The following NSL1 variants were observed in gnomAD, a reference collection of about 807,000 sequenced individuals.
The protein encoded by NSL1 is NSL1 component of MIS12 kinetochore complex.
A neutral mutation model predicts 25.4 loss-of-function variants in NSL1; 11 were observed. The observed-to-expected ratio is 0.43, with a 90% CI of 0.27 to 0.72. The LOEUF is 0.72. NSL1 is among the 30% of genes least tolerant of loss of function. NSL1 has a pLI of 0.19. For synonymous variants in NSL1, 118 were observed against 120.6 expected, an observed-to-expected ratio of 0.98 and a Z score of 0.14; for missense variants, 330 against 342.7, an observed-to-expected ratio of 0.96 and a Z score of 0.29.
intron 4 of NSL1, among the ~76,000 whole-genome samples, chr1:212,744,335 G>T (rs1658657851): frequency 6.6e-6 from 1 of 152,130 alleles, no homozygotes; most frequent in Non-Finnish European, 1.5e-5. Flanking sequence ...TTCCAAAAAA[G>T]CTTTAGAAAA....
chr1:212,735,884 T>C lies in NSL1; in HGVS notation c.*2524A>G, dbSNP rs182348752. 2.2e-6 allele frequency: 2 copies of C among 910,242 alleles called. No homozygotes were observed. The highest frequency in any genetic ancestry group is 2.4e-4 in the East Asian group (2 of 8,452). The allele number at this position is 910,242 out of a possible 1,614,324, so 56.4% of individuals were successfully genotyped here. A position where few individuals can be genotyped will look rare whatever the true frequency, so the allele number is the denominator to read the frequency against. ...CTCATGGACTTCTAGCCTCCAGAAC[T>C]GTGAGAAGTAAGTATCTGTTGTTTA... On this transcript the variant is annotated 3_prime_UTR_variant, in exon 6 of 6. Coordinates refer to ENST00000366977, the MANE Select transcript of NSL1 (RefSeq NM_015471.4).
intron 4 of NSL1, among the ~76,000 whole-genome samples, chr1:212,761,333 T>A (rs750427174): frequency 6.6e-6 from 1 of 152,218 alleles, no homozygotes; most frequent in Non-Finnish European, 1.5e-5. Context: ...GTGCATCACC[T>A]GAACCTTGGA....
At chr1:212,756,051 T>C (rs1390914593) in intron 4 of NSL1, among the ~76,000 whole-genome samples, 1 of 152,184 alleles carries the variant, frequency 6.6e-6, no homozygotes. Context: ...CAGGTTAATG[T>C]TGGATATCTA....
intron 4 of NSL1, chr1:212,766,365 T>C (rs1446711863): frequency 2.3e-6 from 1 of 432,816 alleles, no homozygotes; most frequent in Non-Finnish European, 4.1e-6. Flanking sequence ...ATGAAGAAAA[T>C]CCATATTGCA....
At position 212,727,195 on chromosome 1, in the gene NSL1, G is replaced by C; in HGVS notation, c.*11213C>G. The C allele has an allele frequency of 6.5e-7, 1 of 1,532,854 alleles. No individual in the cohort carries two copies. The highest frequency in any genetic ancestry group is 1.2e-5 in the South Asian group (1 of 80,014). The allele number at this position is 1,532,854 out of a possible 1,614,324, so 95.0% of individuals were successfully genotyped here. A position where few individuals can be genotyped will look rare whatever the true frequency, so the allele number is the denominator to read the frequency against. On this transcript the variant is annotated 3_prime_UTR_variant, in exon 6 of 6. Transcript: ENST00000366977. ...GGCTTGGCTCCTAATGTGTTAAATG[G>C]GGGTGAATGGAATTTAGAAGATCTC...
chr1:212,786,425 A>G (rs1469364413), intron 2 of NSL1, among the ~76,000 whole-genome samples: 5 of 152,126 alleles, frequency 3.3e-5, no homozygotes, highest in Non-Finnish European at 5.9e-5. Flanking sequence ...TTAAAAAAAA[A>G]AAAAAGAAAA....
In NSL1 at chr1:212,782,474, A is replaced by G. The variant is rs768129161; in HGVS notation, c.445-48T>C. On this transcript the variant is annotated intron_variant, in intron 3 of 5. Transcript: ENST00000366977. ...CAGATTTAATCACTTAATGCTTCAT[A>G]TAAACATCTCTTTCAGCTAATATGG... 7 of 1,278,736 alleles carry G rather than the reference A, an allele frequency of 5.5e-6. No homozygotes were observed. The African/African-American group carries it at 8.8e-5, about 16-fold the overall frequency. 79.2% of individuals were successfully genotyped at this position (1,278,736 alleles called of 1,614,324 possible).
At chr1:212,742,986 A>G (rs1217498411) in intron 4 of NSL1, among the ~76,000 whole-genome samples, 4 of 152,206 alleles carry the variant, frequency 2.6e-5, no homozygotes, top group African/African-American at 9.6e-5. Context: ...ATTTTCCATC[A>G]GCTTTGCTGC....
At chr1:212,757,822 T>C (rs556993500) in intron 4 of NSL1, among the ~76,000 whole-genome samples, 6 of 152,158 alleles carry the variant, frequency 3.9e-5, no homozygotes, top group Non-Finnish European at 8.8e-5. Context: ...ATCCAAACCA[T>C]ATTAATCAGT....
intron 4 of NSL1, among the ~76,000 whole-genome samples, chr1:212,747,977 G>T (rs1335894409): frequency 5.3e-5 from 8 of 152,144 alleles, no homozygotes; most frequent in Admixed American, 5.2e-4. Context: ...TGTTGGTCAG[G>T]CTGGTCTCGA....
intron 2 of NSL1, among the ~76,000 whole-genome samples, chr1:212,786,919 A>G (rs935549026): frequency 5.3e-5 from 8 of 151,962 alleles, no homozygotes; most frequent in Non-Finnish European, 1.2e-4. Flanking sequence ...AGTGGCTCAC[A>G]TATGTAATAC....
rs1018358794 is a variant in NSL1, at chr1:212,729,225, G to A, written c.*9183C>T. 6 of 985,256 alleles carry A rather than the reference G, an allele frequency of 6.1e-6. No individual in the cohort carries two copies. In the African/African-American group the frequency reaches 1.0e-4, roughly 17 times the overall value. 61.0% of individuals were successfully genotyped at this position (985,256 alleles called of 1,614,324 possible). A position where few individuals can be genotyped will look rare whatever the true frequency, so the allele number is the denominator to read the frequency against. On this transcript the variant is annotated 3_prime_UTR_variant, in exon 6 of 6. Transcript: ENST00000366977. ...AGTTTCACTCTCAGGTTCCCTCTAG[G>A]AGCAGAAGTGCAGGTTTGCTTGGGC...
At chr1:212,773,371 G>A (rs991746930) in intron 4 of NSL1, among the ~76,000 whole-genome samples, 2 of 151,986 alleles carry the variant, frequency 1.3e-5, no homozygotes, top group Non-Finnish European at 2.9e-5. Flanking sequence ...AGAAGGTAAA[G>A]GATCTGAATA....
intron 1 of NSL1, among the ~76,000 whole-genome samples, chr1:212,788,339 G>T (rs6702544): frequency 5.3e-5 from 8 of 152,032 alleles, no homozygotes; most frequent in African/African-American, 1.9e-4. Context: ...CTTGAGCCCA[G>T]TGGTTTGAGA....
intron 4 of NSL1, among the ~76,000 whole-genome samples, chr1:212,762,767 T>C (rs139949924): frequency 6.6e-6 from 1 of 152,030 alleles, no homozygotes; most frequent in African/African-American, 2.4e-5. Flanking sequence ...AATACAAAAG[T>C]AGACGCAGCA....
chr1:212,784,379 G>A lies in NSL1; in HGVS notation c.428C>T (p.Ala143Val). Reference protein sequence around the residue: ...ILECVIKTIKAKQEILKQYHP... With the variant: ...ILECVIKTIKVKQEILKQYHP... ...TCATCTTACCAGAATTTCTTGTTTT[G>A]CTTTTATGGTTTTGATGACACATTC... The change falls in exon 3 of 6, where the codon GCA becomes GTA. Residue 143 changes from alanine (A) to valine (V), a missense_variant. Transcript: ENST00000366977. 6.4e-7 allele frequency: 1 copy of A among 1,573,896 alleles called. No individual in the cohort carries two copies. The highest frequency in any genetic ancestry group is 8.6e-7 in the Non-Finnish European group (1 of 1,156,552).
At chr1:212,785,715 G>C (rs1660913097) in intron 2 of NSL1, among the ~76,000 whole-genome samples, 1 of 152,124 alleles carries the variant, frequency 6.6e-6, no homozygotes, top group South Asian at 2.1e-4. Flanking sequence ...ATTTTAAAGA[G>C]TAAAAATACT....
At chr1:212,759,498 C>T (rs1272376427) in intron 4 of NSL1, among the ~76,000 whole-genome samples, 1 of 152,110 alleles carries the variant, frequency 6.6e-6, no homozygotes, top group Admixed American at 6.5e-5. Flanking sequence ...CACAGGAGAG[C>T]CCCTTGGCCC....
intron 4 of NSL1, among the ~76,000 whole-genome samples, chr1:212,761,628 T>C (rs1309274421): frequency 6.6e-6 from 1 of 151,324 alleles, no homozygotes; most frequent in Non-Finnish European, 1.5e-5. Context: ...TCTGAAAAAA[T>C]AAAATATAAA....
Sources: gnomAD v4.1 joint callset for allele counts (sites outside exome capture counted in the v4.1 genomes callset) on GRCh38, gnomAD v4.1.1 for gene constraint, MANE v1.5 for transcripts, NCBI Gene and HGNC (gene_info 2026-07-23, HGNC 2026-07-21) for gene names.